The following PTPRO variants were observed in gnomAD, a reference collection of about 807,000 sequenced individuals.
PTPRO encodes the protein receptor-type tyrosine-protein phosphatase O.
Under a neutral mutation model 145.2 loss-of-function variants are expected in PTPRO, and 62 were observed. The ratio of observed to expected loss-of-function variants is 0.43; its 90% CI spans 0.35 to 0.53. The LOEUF is 0.53. Among genes scored for constraint, PTPRO ranks in the 20% least tolerant of loss-of-function variants. The pLI, the probability that PTPRO is intolerant of heterozygous loss-of-function variation, is 0.01. For synonymous variants in PTPRO, 565 were observed against 514.7 expected, an observed-to-expected ratio of 1.10 and a Z score of -1.32; for missense variants, 1,345 against 1,482.7, an observed-to-expected ratio of 0.91 and a Z score of 1.53.
chr12:15,551,423 A>G lies in PTPRO; in HGVS notation c.2438-128A>G, dbSNP rs1943455586. The G allele has an allele frequency of 2.4e-6, 3 of 1,233,370 alleles. No individual in the cohort carries two copies. In the Admixed American group the frequency reaches 5.1e-5, roughly 21 times the overall value. 76.4% of individuals were successfully genotyped at this position (1,233,370 alleles called of 1,614,324 possible). A position where few individuals can be genotyped will look rare whatever the true frequency, so the allele number is the denominator to read the frequency against. ...AGAGGTCATTGCTGGCTTGGGGAACATGATTGTTACTATTATTGGTATCAT... is the reference window on the plus strand; with the variant it reads ...AGAGGTCATTGCTGGCTTGGGGAACGTGATTGTTACTATTATTGGTATCAT... On this transcript the variant is annotated intron_variant, in intron 14 of 26. Coordinates refer to ENST00000281171, the MANE Select transcript of PTPRO (RefSeq NM_030667.3).
intron 10 of PTPRO, among the ~76,000 whole-genome samples, chr12:15,521,403 C>G (rs1284462489): frequency 1.3e-5 from 2 of 152,204 alleles, no homozygotes; most frequent in Non-Finnish European, 2.9e-5. Context: ...ATAGCAGTTA[C>G]TTGGCAAGCG....
intron 17 of PTPRO, among the ~76,000 whole-genome samples, chr12:15,561,145 T>C (rs1335767325): frequency 6.6e-6 from 1 of 152,086 alleles, no homozygotes. Flanking sequence ...TATTAATACC[T>C]AGTGTTTAGG....
intron 1 of PTPRO, among the ~76,000 whole-genome samples, chr12:15,351,341 C>A (rs1183842474): frequency 6.6e-6 from 1 of 152,162 alleles, no homozygotes; most frequent in African/African-American, 2.4e-5. Context: ...AGGAATTGCT[C>A]TTTCTCTAGT....
chr12:15,557,731 T>A (rs1943672687), intron 16 of PTPRO, among the ~76,000 whole-genome samples: 1 of 152,032 alleles, frequency 6.6e-6, no homozygotes, highest in African/African-American at 2.4e-5. Flanking sequence ...CATCATGGTC[T>A]GCTCTGTATT....
intron 24 of PTPRO, among the ~76,000 whole-genome samples, chr12:15,588,776 G>A (rs1050296070): frequency 1.3e-5 from 2 of 152,208 alleles, no homozygotes; most frequent in South Asian, 4.1e-4. Context: ...TCAAAAGACA[G>A]GGTATTGTTT....
intron 1 of PTPRO, among the ~76,000 whole-genome samples, chr12:15,439,195 A>G (rs1940686623): frequency 6.6e-6 from 1 of 152,226 alleles, no homozygotes; most frequent in Non-Finnish European, 1.5e-5. Context: ...TGAAAGATAA[A>G]TAAAATATTT....
chr12:15,454,404 T>C (rs777940057), intron 1 of PTPRO, among the ~76,000 whole-genome samples: 4 of 152,198 alleles, frequency 2.6e-5, no homozygotes, highest in Non-Finnish European at 4.4e-5. Context: ...CATTTTTTAA[T>C]CTGGTTATTT....
At chr12:15,351,026 G>A (rs1937785563) in intron 1 of PTPRO, among the ~76,000 whole-genome samples, 1 of 152,074 alleles carries the variant, frequency 6.6e-6, no homozygotes, top group African/African-American at 2.4e-5. Flanking sequence ...GGAAACTTGA[G>A]AAACTACTGG....
intron 1 of PTPRO, among the ~76,000 whole-genome samples, chr12:15,396,567 G>C (rs901578815): frequency 1.3e-5 from 2 of 152,112 alleles, no homozygotes; most frequent in Non-Finnish European, 2.9e-5. Context: ...TGATATTAAT[G>C]TATGTTTAGG....
intron 15 of PTPRO, among the ~76,000 whole-genome samples, chr12:15,554,746 T>C (rs10846207): frequency 6.6e-6 from 1 of 152,032 alleles, no homozygotes; most frequent in Non-Finnish European, 1.5e-5. Flanking sequence ...CACTGACTCA[T>C]ATGTTAATCT....
chr12:15,575,120 T>A (rs908669484), intron 19 of PTPRO, among the ~76,000 whole-genome samples: 4 of 152,130 alleles, frequency 2.6e-5, no homozygotes, highest in Admixed American at 2.0e-4. Flanking sequence ...AAAGATGAGG[T>A]CCTTGTCCAT....
chr12:15,559,046 G>T (rs576244936), intron 16 of PTPRO, among the ~76,000 whole-genome samples: 41 of 152,236 alleles, frequency 2.7e-4, no homozygotes, highest in Non-Finnish European at 4.3e-4. Context: ...TTCATGCCTG[G>T]TTCACCCTTG....
chr12:15,589,345 C>T lies in PTPRO; in HGVS notation c.3411-110C>T. On this transcript the variant is annotated intron_variant, in intron 24 of 26. Transcript: ENST00000281171. ...GAGCCGAGATCATGCCATTGCACTC[C>T]AGCCTGGGCAACAGAGCAAGACTCC... 4 of 1,484,354 alleles carry T rather than the reference C, an allele frequency of 2.7e-6. No homozygotes were observed. In the South Asian group the frequency reaches 4.6e-5, roughly 17 times the overall value. 91.9% of individuals were successfully genotyped at this position (1,484,354 alleles called of 1,614,324 possible). A position where few individuals can be genotyped will look rare whatever the true frequency, so the allele number is the denominator to read the frequency against.
intron 8 of PTPRO, among the ~76,000 whole-genome samples, chr12:15,516,448 GAAGAGAGTGAGA>G (rs1157218415): frequency 1.2e-5 from 1 of 84,506 alleles, no homozygotes; most frequent in African/African-American, 3.8e-5. Context: ...GAGTGAGAAA[GAAGAGAGTGAGA>G]AAGAGAGAGA....
intron 1 of PTPRO, among the ~76,000 whole-genome samples, chr12:15,407,723 C>T (rs1939686791): frequency 6.6e-6 from 1 of 152,080 alleles, no homozygotes; most frequent in Non-Finnish European, 1.5e-5. Flanking sequence ...GAAAATTGAG[C>T]AATATAAAAT....
In PTPRO at chr12:15,337,182, G is replaced by A. The variant is rs184909299; in HGVS notation, c.75+14381G>A. Among the ~76,000 whole-genome samples the A allele has an allele frequency of 3.9e-5, 6 of 152,274 alleles. No homozygotes were observed. In the East Asian group the frequency reaches 1.2e-3, roughly 29 times the overall value. On this transcript the variant is annotated intron_variant, in intron 1 of 26. Transcript: ENST00000281171. ...AAAAGAAGCCAGCAGGAATAGTAGA[G>A]ACTTCAGCAAGACTATCATTCATTG...
rs7300529 is a variant in PTPRO, at chr12:15,507,040, T to A, written c.1268-1531T>A. On this transcript the variant is annotated intron_variant, in intron 6 of 26. Coordinates refer to ENST00000281171, the MANE Select transcript of PTPRO (RefSeq NM_030667.3). The stretch of plus-strand genomic sequence containing the variant: ...ACTTCCTGTGTGTGAATCCTAGCTC[T>A]ACTTACTCTATCTCTACCTCAGTTT... Among the ~76,000 whole-genome samples, 781 of 152,198 alleles carry A rather than the reference T, an allele frequency of 5.1e-3. 8 individuals carry two copies. The highest frequency in any genetic ancestry group is 8.3e-3 in the African/African-American group (345 of 41,470).
At chr12:15,545,694 G>A (rs958936254) in intron 12 of PTPRO, among the ~76,000 whole-genome samples, 1 of 151,972 alleles carries the variant, frequency 6.6e-6, no homozygotes, top group African/African-American at 2.4e-5. Flanking sequence ...TTTATCTAAT[G>A]TTTTATTAAT....
At chr12:15,444,045 A>C (rs1940838940) in intron 1 of PTPRO, among the ~76,000 whole-genome samples, 1 of 152,110 alleles carries the variant, frequency 6.6e-6, no homozygotes, top group Non-Finnish European at 1.5e-5. Flanking sequence ...CATGTTCATC[A>C]CAGCACTATT....
Sources: gnomAD v4.1 joint callset for allele counts (sites outside exome capture counted in the v4.1 genomes callset) on GRCh38, gnomAD v4.1.1 for gene constraint, MANE v1.5 for transcripts, NCBI Gene and HGNC (gene_info 2026-07-23, HGNC 2026-07-21) for gene names.